Variants in VPS18 observed in about 807,000 individuals in gnomAD.
VPS18 encodes the protein vacuolar protein sorting-associated protein 18 homolog.
A neutral mutation model predicts 82.0 loss-of-function variants in VPS18; 25 were observed. The ratio of observed to expected loss-of-function variants is 0.30; its 90% confidence interval spans 0.22 to 0.43. VPS18 has a LOEUF of 0.43. Among genes scored for constraint, VPS18 ranks in the 20% least tolerant of loss-of-function variants. VPS18 has a pLI of 1.00. For missense variants in VPS18, 1,168 were observed against 1,311.1 expected (o/e 0.89, Z 1.69); for synonymous variants, 523 against 543.0 (o/e 0.96, Z 0.51).
chr15:40,899,084 G>A lies in VPS18; in HGVS notation c.326-60G>A, dbSNP rs1892289491. 1 of 1,604,130 alleles carries A rather than the reference G, an allele frequency of 6.2e-7. No individual in the cohort carries two copies. The highest frequency in any genetic ancestry group is 1.3e-5 in the African/African-American group (1 of 74,826). ...GCTCTGAGGGTGGTGTGGGGGCCAGGAGGAGGCTGAGGATGGGAACGGCAG... is the reference window on the plus strand; with the variant it reads ...GCTCTGAGGGTGGTGTGGGGGCCAGAAGGAGGCTGAGGATGGGAACGGCAG... On this transcript the variant is annotated intron_variant, in intron 3 of 4. Coordinates refer to ENST00000220509, the MANE Select transcript of VPS18 (RefSeq NM_020857.3). The surrounding 1 kb of genome is among the most constrained non-coding windows in gnomAD (Gnocchi z 4.4).
rs1892375520 is a variant in VPS18 at position 40,902,476 on chromosome 15, C to T, written c.2197-140C>T. ...ACTACTCTAAGTAGCTTTTACATAGCTGTGGCAGCGGCAGGCCCCCTTGCT... is the reference window on the plus strand; with the variant it reads ...ACTACTCTAAGTAGCTTTTACATAGTTGTGGCAGCGGCAGGCCCCCTTGCT... On this transcript the variant is annotated intron_variant, in intron 4 of 4. Coordinates refer to ENST00000220509, the MANE Select transcript of VPS18 (RefSeq NM_020857.3). This position sits in a 1 kb window ranked among gnomAD's most constrained non-coding sequence, Gnocchi z 4.2. 8.5e-7 allele frequency: 1 copy of T among 1,176,302 alleles called. No homozygotes were observed. Among genetic ancestry groups the T allele is most frequent in the Admixed American group, 2.8e-5 (1 of 35,532 alleles). The allele number at this position is 1,176,302 out of a possible 1,614,324, so 72.9% of individuals were successfully genotyped here. A position where few individuals can be genotyped will look rare whatever the true frequency, so the allele number is the denominator to read the frequency against.
chr15:40,898,759 A>C, intron 2 of VPS18, 148 bp from the exon 3 acceptor site: 87 of 795,642 alleles, frequency 1.1e-4, no homozygotes, highest in African/African-American at 1.5e-4. Flanking sequence ...AGGCTGAGCC[A>C]GTGCACCTGG....
At chr15:40,895,642 C>T (rs1892216258) in intron 1 of VPS18, among the ~76,000 whole-genome samples, 1 of 152,184 alleles carries the variant, frequency 6.6e-6, no homozygotes, top group Non-Finnish European at 1.5e-5. Context: ...CCACCAGTCC[C>T]GTCCCACCTC....
chr15:40,899,082 A>T lies in VPS18; in HGVS notation c.326-62A>T, dbSNP rs1414844866. On this transcript the variant is annotated intron_variant, in intron 3 of 4. Coordinates refer to ENST00000220509, the MANE Select transcript of VPS18 (RefSeq NM_020857.3). This position sits in a 1 kb window ranked among gnomAD's most constrained non-coding sequence, Gnocchi z 4.4. Reference sequence around the variant, plus strand: ...GGGCTCTGAGGGTGGTGTGGGGGCCAGGAGGAGGCTGAGGATGGGAACGGC... The same window carrying T: ...GGGCTCTGAGGGTGGTGTGGGGGCCTGGAGGAGGCTGAGGATGGGAACGGC... 4 of 1,604,972 alleles carry T rather than the reference A, an allele frequency of 2.5e-6. No homozygotes were observed. The African/African-American group carries it at 5.3e-5, about 21-fold the overall frequency.
chr15:40,902,783 G>A lies in VPS18; in HGVS notation c.2364G>A (p.Val788=), dbSNP rs1892381486. ...ASCPLLKIED[V]LPFFPDFVTI... ...GCCCCTTGCTCAAGATTGAGGATGTGCTGCCCTTCTTTCCTGATTTCGTCA... is the reference window on the plus strand; with the variant it reads ...GCCCCTTGCTCAAGATTGAGGATGTACTGCCCTTCTTTCCTGATTTCGTCA... The change falls in exon 5 of 5, where the codon GTG becomes GTA. Residue 788 remains valine (V), a synonymous_variant. Coordinates refer to ENST00000220509, the MANE Select transcript of VPS18 (RefSeq NM_020857.3). This position sits in a 1 kb window ranked among gnomAD's most constrained non-coding sequence, Gnocchi z 4.2. 5.0e-6 allele frequency: 8 copies of A among 1,614,166 alleles called. No homozygotes were observed. The highest frequency in any genetic ancestry group is 6.8e-6 in the Non-Finnish European group (8 of 1,180,060).
rs372079926 is a variant in VPS18 at position 40,894,643 on chromosome 15, G to T, written c.-126G>T. Reference sequence around the variant, plus strand: ...GGATTTTAAAGAGGAGGCGACGGCTGCAGGTTCCCAGGATCTGTCAGAGGC... The same window carrying T: ...GGATTTTAAAGAGGAGGCGACGGCTTCAGGTTCCCAGGATCTGTCAGAGGC... On this transcript the variant is annotated 5_prime_UTR_variant, in exon 1 of 5. Transcript: ENST00000220509. 3.6e-6 allele frequency: 3 copies of T among 829,164 alleles called. No homozygotes were observed. The highest frequency in any genetic ancestry group is 6.1e-5 in the East Asian group (2 of 32,912). The allele number at this position is 829,164 out of a possible 1,614,324, so 51.4% of individuals were successfully genotyped here.
In VPS18 at chr15:40,899,518, C is replaced by G. The variant is rs560236965; in HGVS notation, c.700C>G (p.Arg234Gly). 4.3e-6 allele frequency: 7 copies of G among 1,610,744 alleles called. No individual in the cohort carries two copies. Among genetic ancestry groups the G allele is most frequent in the African/African-American group, 4.0e-5 (3 of 75,068 alleles). ...GCAGCGCCTCTTCCAGTTCATAGGC[C>G]GAGCAGCAGAGGGGGCTGAGGCCCA... ...TRQRLFQFIG[R>G]AAEGAEAQGF... Residue 234 changes from arginine to glycine, a missense_variant, in exon 4 of 5, where the codon CGA becomes GGA. Arg to Gly is a moderately radical substitution (Grantham distance 125). Coordinates refer to ENST00000220509, the MANE Select transcript of VPS18 (RefSeq NM_020857.3). This position sits in a 1 kb window ranked among gnomAD's most constrained non-coding sequence, Gnocchi z 4.4.
At position 40,903,062 on chromosome 15, in the gene VPS18, G is replaced by T; in HGVS notation, c.2643G>T (p.Gln881His). ...GHMFHADCLL[Q>H]AVRPGLPAYK... ...TGTTCCATGCTGACTGCCTGCTGCA[G>T]GCTGTGCGACCTGGCCTGCCAGCCT... The change falls in exon 5 of 5, where the codon CAG (glutamine) becomes CAT (histidine). Residue 881 changes from glutamine to histidine, a missense_variant. By Grantham distance (24) the Gln-to-His change is conservative. This residue lies in a region of VPS18 where 296 missense variants were observed against 354.0 expected (regional missense o/e 0.84). Coordinates refer to ENST00000220509, the MANE Select transcript of VPS18 (RefSeq NM_020857.3). The T allele has an allele frequency of 1.2e-6, 2 of 1,614,214 alleles. No homozygotes were observed. Among genetic ancestry groups the T allele is most frequent in the Non-Finnish European group, 1.7e-6 (2 of 1,180,042 alleles).
Position 40,899,049 on chromosome 15 carries a change from G to A in VPS18, c.325+51G>A. ...GGGGGTCTCTGGTCAGTCACTGCCT[G>A]GGTGGGTGGGCTCTGAGGGTGGTGT... On this transcript the variant is annotated intron_variant, in intron 3 of 4. Transcript: ENST00000220509. The surrounding 1 kb of genome is among the most constrained non-coding windows in gnomAD (Gnocchi z 4.4). 1 of 1,605,862 alleles carries A rather than the reference G, an allele frequency of 6.2e-7. No homozygotes were observed.
In VPS18 at chr15:40,900,075, C is replaced by T. The variant is rs778725367; in HGVS notation, c.1257C>T (p.Pro419=). The change falls in exon 4 of 5, where the codon CCC becomes CCT. Residue 419 remains proline, a synonymous_variant. Transcript: ENST00000220509. This position sits in a 1 kb window ranked among gnomAD's most constrained non-coding sequence, Gnocchi z 5.4. The part of the protein sequence containing the change: ...DLAKEYCRER[P]DCLDTVLARE... ...CCAAAGAGTATTGTCGAGAGCGGCC[C>T]GACTGCCTGGACACGGTCCTGGCCC... 5.6e-6 allele frequency: 9 copies of T among 1,613,856 alleles called. No individual in the cohort carries two copies. The highest frequency in any genetic ancestry group is 3.3e-5 in the Admixed American group (2 of 60,034).
intron 4 of VPS18, among the ~76,000 whole-genome samples, chr15:40,901,507 A>C (rs1892357914): frequency 6.6e-6 from 1 of 151,968 alleles, no homozygotes; most frequent in South Asian, 2.1e-4. Flanking sequence ...GAATCGCTTG[A>C]ACCTGGGAGG....
At position 40,903,061 on chromosome 15, in the gene VPS18, A is replaced by T; in HGVS notation, c.2642A>T (p.Gln881Leu). ...ATGTTCCATGCTGACTGCCTGCTGC[A>T]GGCTGTGCGACCTGGCCTGCCAGCC... ...GHMFHADCLL[Q>L]AVRPGLPAYK... is the part of the protein sequence containing the mutation. The change falls in exon 5 of 5, where the codon CAG (glutamine) becomes CTG (leucine). Residue 881 changes from glutamine (Q) to leucine (L), a missense_variant. Coordinates refer to ENST00000220509, the MANE Select transcript of VPS18 (RefSeq NM_020857.3). 6.2e-7 allele frequency: 1 copy of T among 1,614,154 alleles called. No individual in the cohort carries two copies. Among genetic ancestry groups the T allele is most frequent in the Non-Finnish European group, 8.5e-7 (1 of 1,180,044 alleles).
intron 2 of VPS18, among the ~76,000 whole-genome samples, chr15:40,898,253 C>CTT (rs557809560): frequency 7.0e-6 from 1 of 142,818 alleles, no homozygotes; most frequent in Non-Finnish European, 1.5e-5. Context: ...CGCGCCCGGC[C>CTT]TTTTTTTTTT....
Position 40,899,217 on chromosome 15 carries a change from A to C in VPS18, c.399A>C (p.Pro133=). ...ACCGAAATGGACAGAAGGTACGGCC[A>C]CTAGCACGCTGGAAGGGGCAGCTGG... ...YVNRNGQKVR[P]LARWKGQLVE... The change falls in exon 4 of 5, where the codon CCA becomes CCC. Residue 133 remains proline, a synonymous_variant. Coordinates refer to ENST00000220509, the MANE Select transcript of VPS18 (RefSeq NM_020857.3). The surrounding 1 kb of genome is among the most constrained non-coding windows in gnomAD (Gnocchi z 4.4). The C allele has an allele frequency of 6.2e-7, 1 of 1,614,218 alleles. No homozygotes were observed. The highest frequency in any genetic ancestry group is 8.5e-7 in the Non-Finnish European group (1 of 1,180,046).
At position 40,899,561 on chromosome 15, in the gene VPS18, T is replaced by C. The variant is rs1203397309; in HGVS notation, c.743T>C (p.Phe248Ser). The C allele has an allele frequency of 1.2e-6, 2 of 1,608,438 alleles. No individual in the cohort carries two copies. Among genetic ancestry groups the C allele is most frequent in the East Asian group, 2.2e-5 (1 of 44,882 alleles). ...GAEAQGFSGL[F>S]AAYTDHPPPF... Reference sequence around the variant, plus strand: ...GAGGCCCAGGGTTTCTCAGGGCTCTTTGCAGCTTACACGGACCACCCACCC... The same window carrying C: ...GAGGCCCAGGGTTTCTCAGGGCTCTCTGCAGCTTACACGGACCACCCACCC... Residue 248 changes from phenylalanine (F) to serine (S), a missense_variant, in exon 4 of 5, where the codon TTT becomes TCT. By Grantham distance (155) the Phe-to-Ser change is radical (BLOSUM62 -2). Coordinates refer to ENST00000220509, the MANE Select transcript of VPS18 (RefSeq NM_020857.3). This position sits in a 1 kb window ranked among gnomAD's most constrained non-coding sequence, Gnocchi z 4.4.
Position 40,900,547 on chromosome 15 carries a change from G to C in VPS18, c.1729G>C (p.Glu577Gln). The change falls in exon 4 of 5, where the codon GAG becomes CAG. Residue 577 changes from glutamate (E) to glutamine (Q), a missense_variant. Physicochemically the swap from Glu to Gln is conservative, Grantham distance 29 (BLOSUM62 2). Around this residue, in one of 3 missense-constraint regions of VPS18, gnomAD observed 868 missense variants for 939.8 expected, o/e 0.92. Coordinates refer to ENST00000220509, the MANE Select transcript of VPS18 (RefSeq NM_020857.3). The surrounding 1 kb of genome is among the most constrained non-coding windows in gnomAD (Gnocchi z 5.4). ...GGTGGTGGCTTACCACTGTCAGCAC[G>C]AGGCCTACGAGGAGGCCCTGGCCGT... The part of the protein sequence containing the change: ...ERVVAYHCQH[E>Q]AYEEALAVLA... 1.2e-6 allele frequency: 2 copies of C among 1,613,978 alleles called. No homozygotes were observed. Among genetic ancestry groups the C allele is most frequent in the South Asian group, 1.1e-5 (1 of 91,088 alleles).
In VPS18 at chr15:40,899,299, C is replaced by T. The variant is rs1174529289; in HGVS notation, c.481C>T (p.Leu161=). ...CACGGAGAGCAGCACAGGCCCCATC[C>T]TGGTCGGGACTGCCCAAGGCCACAT... The part of the protein sequence containing the change: ...LGTESSTGPI[L]VGTAQGHIFE... Residue 161 remains leucine, a synonymous_variant, in exon 4 of 5, where the codon CTG becomes TTG. Coordinates refer to ENST00000220509, the MANE Select transcript of VPS18 (RefSeq NM_020857.3). The surrounding 1 kb of genome is among the most constrained non-coding windows in gnomAD (Gnocchi z 4.4). 1.2e-6 allele frequency: 2 copies of T among 1,614,142 alleles called. No homozygotes were observed. The highest frequency in any genetic ancestry group is 8.5e-7 in the Non-Finnish European group (1 of 1,180,052).
intron 4 of VPS18, among the ~76,000 whole-genome samples, chr15:40,901,335 C>T (rs1165544280): frequency 1.3e-5 from 2 of 152,150 alleles, no homozygotes; most frequent in African/African-American, 4.8e-5. Context: ...TGGTGGCTTG[C>T]GCCAGCACTT....
In VPS18 at chr15:40,898,964, C is replaced by T. The variant is rs144353200; in HGVS notation, c.291C>T (p.Asp97=). 4.0e-5 allele frequency: 64 copies of T among 1,614,060 alleles called. No individual in the cohort carries two copies. The highest frequency in any genetic ancestry group is 1.6e-4 in the Middle Eastern group (1 of 6,062). The change falls in exon 3 of 5, where the codon GAC becomes GAT. Residue 97 remains aspartate (D), a synonymous_variant. Transcript: ENST00000220509. Reference sequence around the variant, plus strand: ...ACGTGGAGCTGGGACGTAAGGATGACGCAAAAGTTCACAAGATGTTCCTTG... The same window carrying T: ...ACGTGGAGCTGGGACGTAAGGATGATGCAAAAGTTCACAAGATGTTCCTTG... ...PNHVELGRKD[D]AKVHKMFLDH...
Sources: gnomAD v4.1 joint callset for allele counts (sites outside exome capture counted in the v4.1 genomes callset) on GRCh38, gnomAD v4.1.1 for gene constraint, gnomAD v4.1.1 regional missense constraint, Gnocchi (gnomAD v3.1) non-coding constraint, MANE v1.5 for transcripts, NCBI Gene and HGNC (gene_info 2026-07-23, HGNC 2026-07-21) for gene names.